The following NKTR variants were observed in gnomAD, a reference collection of about 807,000 sequenced individuals.
NKTR encodes NK-tumor recognition protein.
NKTR carries 67 observed loss-of-function variants against 156.3 expected under a neutral mutation model. The observed-to-expected ratio is 0.43, with a 90% CI of 0.35 to 0.53. The LOEUF (loss-of-function observed/expected upper bound fraction) is 0.53, where lower values mean the gene tolerates loss of function less well. Ranked by LOEUF, NKTR falls within the 20% of genes least tolerant of loss-of-function variation. NKTR has a pLI of 0.01. For synonymous variants in NKTR, 640 were observed against 596.6 expected, an observed-to-expected ratio of 1.07 and a Z score of -1.06; for missense variants, 1,604 against 1,730.9, an observed-to-expected ratio of 0.93 and a Z score of 1.30.
Position 42,639,649 on chromosome 3 carries a change from T to G in NKTR, c.3945T>G (p.Ser1315Arg). The G allele has an allele frequency of 1.9e-6, 3 of 1,614,084 alleles. No individual in the cohort carries two copies. The highest frequency in any genetic ancestry group is 2.5e-6 in the Non-Finnish European group (3 of 1,179,950). Residue 1315 changes from serine (S) to arginine (R), a missense_variant, in exon 13 of 17, where the codon AGT (serine) becomes AGG (arginine). Ser to Arg is a moderately radical substitution (Grantham distance 110). Around this residue, in one of 6 missense-constraint regions of NKTR, gnomAD observed 193 missense variants for 220.2 expected, o/e 0.88. Coordinates refer to ENST00000232978, the MANE Select transcript of NKTR (RefSeq NM_005385.4). ...RDDDSQSRSP[S>R]RSRSKSETKS... Reference sequence around the variant, plus strand: ...ATGATAGCCAGTCCAGGAGTCCAAGTAGATCTCGAAGTAAATCTGAAACCA... The same window carrying G: ...ATGATAGCCAGTCCAGGAGTCCAAGGAGATCTCGAAGTAAATCTGAAACCA...
In NKTR at chr3:42,638,051, A is replaced by G; in HGVS notation, c.2347A>G (p.Ser783Gly). 1 of 1,614,214 alleles carries G rather than the reference A, an allele frequency of 6.2e-7. No homozygotes were observed. Among genetic ancestry groups the G allele is most frequent in the Non-Finnish European group, 8.5e-7 (1 of 1,180,042 alleles). Reference protein sequence around the residue: ...HSSSSEKTLHSKYVKGRDRSS... With the variant: ...HSSSSEKTLHGKYVKGRDRSS... Reference sequence around the variant, plus strand: ...CAGCAGCTCTGAAAAGACACTTCACAGTAAATATGTCAAAGGTAGAGACAG... The same window carrying G: ...CAGCAGCTCTGAAAAGACACTTCACGGTAAATATGTCAAAGGTAGAGACAG... The change falls in exon 13 of 17, where the codon AGT becomes GGT. Residue 783 changes from serine (S) to glycine (G), a missense_variant. Ser to Gly is a moderately conservative substitution (Grantham distance 56). This residue lies in a region of NKTR where 1,255 missense variants were observed against 1,243.7 expected (regional missense o/e 1.01). Transcript: ENST00000232978.
At chr3:42,627,993 T>G (rs1468145725) in intron 6 of NKTR, 2 of 985,216 alleles carry the variant, frequency 2.0e-6, no homozygotes, top group South Asian at 9.4e-5. Context: ...CTCTCCGCCC[T>G]TTTGTAACCC....
Position 42,600,968 on chromosome 3 carries a change from T to G in NKTR, c.-23-16T>G. 6.7e-7 allele frequency: 1 copy of G among 1,495,416 alleles called. No individual in the cohort carries two copies. The highest frequency in any genetic ancestry group is 9.0e-7 in the Non-Finnish European group (1 of 1,114,536). The allele number at this position is 1,495,416 out of a possible 1,614,324, so 92.6% of individuals were successfully genotyped here. ...CTCGCCCCTGCCCTGACCGCTTTTC[T>G]CCCCCTCTCTCCCAGCTCTTGCCGC... On this transcript the variant is annotated splice_polypyrimidine_tract_variant and intron_variant, in intron 1 of 16. Transcript: ENST00000232978.
intron 5 of NKTR, 72 bp from the exon 6 acceptor site, chr3:42,621,357 A>AT: frequency 6.5e-7 from 1 of 1,532,510 alleles, no homozygotes; most frequent in African/African-American, 1.4e-5. Context: ...TTTGCTTTCT[A>AT]TTTATTACTT....
chr3:42,625,979 T>C (rs1295160616), intron 6 of NKTR, among the ~76,000 whole-genome samples: 1 of 152,136 alleles, frequency 6.6e-6, no homozygotes, highest in Non-Finnish European at 1.5e-5. Flanking sequence ...GGTAGAGCAT[T>C]GTCAAGTGGC....
chr3:42,615,466 T>G (rs1707267022), intron 2 of NKTR, among the ~76,000 whole-genome samples: 1 of 152,100 alleles, frequency 6.6e-6, no homozygotes, highest in Admixed American at 6.5e-5. Context: ...TTAACTGTTT[T>G]CAAGTGTGTG....
rs185034919 is a variant in NKTR, at chr3:42,626,052, C to T, written c.375-4494C>T. On this transcript the variant is annotated intron_variant, in intron 6 of 16. Coordinates refer to ENST00000232978, the MANE Select transcript of NKTR (RefSeq NM_005385.4). ...TTCTGTACAATTTGGTGCCTCTTCC[C>T]TGACAGTGTGATAGTTTCAGGAGTT... Among the ~76,000 whole-genome samples, 62 of 152,150 alleles carry T rather than the reference C, an allele frequency of 4.1e-4. No individual in the cohort carries two copies. The East Asian group carries it at 0.011, about 27-fold the overall frequency.
chr3:42,623,047 C>T (rs1708054063), intron 6 of NKTR, among the ~76,000 whole-genome samples: 1 of 151,980 alleles, frequency 6.6e-6, no homozygotes, highest in South Asian at 2.1e-4. Flanking sequence ...AAAATGCTAT[C>T]GTTAAACATA....
rs1208737763 is a variant in NKTR at position 42,646,373 on chromosome 3, C to T, written c.*398C>T. The T allele has an allele frequency of 5.6e-6, 1 of 179,888 alleles. No individual in the cohort carries two copies. Among genetic ancestry groups the T allele is most frequent in the Admixed American group, 5.6e-5 (1 of 17,974 alleles). The allele number at this position is 179,888 out of a possible 1,614,324, so 11.1% of individuals were successfully genotyped here. On this transcript the variant is annotated 3_prime_UTR_variant, in exon 17 of 17. Coordinates refer to ENST00000232978, the MANE Select transcript of NKTR (RefSeq NM_005385.4). ...CCAAGCATAGAACTGTGAAGGAGAA[C>T]TGTTAAAGGCGGCCAAATATTTATA... is the stretch of plus-strand genomic sequence containing the variant.
chr3:42,601,925 G>A (rs1276932458), intron 2 of NKTR: 1 of 152,094 alleles, frequency 6.6e-6, no homozygotes, highest in Non-Finnish European at 1.5e-5. Context: ...TTCTATTGGG[G>A]GGAAGACGGA....
In NKTR at chr3:42,638,119, A is replaced by T; in HGVS notation, c.2415A>T (p.Leu805Phe). The T allele has an allele frequency of 6.2e-7, 1 of 1,614,006 alleles. No homozygotes were observed. The highest frequency in any genetic ancestry group is 8.5e-7 in the Non-Finnish European group (1 of 1,180,008). ...AGTATAGCGAGAGCAGATCATCTTTAGATTATTCTTCAGACAGTGAGCAGT... is the reference window on the plus strand; with the variant it reads ...AGTATAGCGAGAGCAGATCATCTTTTGATTATTCTTCAGACAGTGAGCAGT... The part of the protein sequence containing the change: ...VRKYSESRSS[L>F]DYSSDSEQSS... Residue 805 changes from leucine to phenylalanine, a missense_variant, in exon 13 of 17, where the codon TTA becomes TTT. By Grantham distance (22) the Leu-to-Phe change is conservative (BLOSUM62 0). Coordinates refer to ENST00000232978, the MANE Select transcript of NKTR (RefSeq NM_005385.4).
chr3:42,631,408 T>A, intron 8 of NKTR, 92 bp downstream of exon 8: 2 of 1,432,108 alleles, frequency 1.4e-6, no homozygotes, highest in Non-Finnish European at 1.9e-6. Context: ...ACTAGTGGTA[T>A]AGCAATAGCC....
Position 42,639,439 on chromosome 3 carries a change from T to C in NKTR, c.3735T>C (p.Ala1245=). 6.2e-7 allele frequency: 1 copy of C among 1,614,232 alleles called. No homozygotes were observed. The highest frequency in any genetic ancestry group is 8.5e-7 in the Non-Finnish European group (1 of 1,180,024). ...CACCTAATGCTGCCACATCCAGTGC[T>C]GTGGAAGTTAAGGTGTTGACCACTG... ...LAAPNAATSS[A]VEVKVLTTVP... Residue 1245 remains alanine, a synonymous_variant, in exon 13 of 17, where the codon GCT becomes GCC. Coordinates refer to ENST00000232978, the MANE Select transcript of NKTR (RefSeq NM_005385.4).
chr3:42,626,356 A>T (rs1466220923), intron 6 of NKTR, among the ~76,000 whole-genome samples: 1 of 152,112 alleles, frequency 6.6e-6, no homozygotes, highest in Non-Finnish European at 1.5e-5. Context: ...TGATCTGAGT[A>T]GTAATAGATT....
Position 42,630,630 on chromosome 3 carries a change from G to A in NKTR, c.404+55G>A, listed in dbSNP as rs563390171. The A allele has an allele frequency of 5.6e-5, 90 of 1,611,792 alleles. No homozygotes were observed. The African/African-American group carries it at 1.1e-3, about 20-fold the overall frequency. ...AAGTGTTTGGGTGGCCAGCCATAAAGAGAGATTGGACCATGGTTGAGCCCT... is the reference window on the plus strand; with the variant it reads ...AAGTGTTTGGGTGGCCAGCCATAAAAAGAGATTGGACCATGGTTGAGCCCT... On this transcript the variant is annotated intron_variant, in intron 7 of 16. Coordinates refer to ENST00000232978, the MANE Select transcript of NKTR (RefSeq NM_005385.4).
At chr3:42,630,232 G>T in intron 6 of NKTR, 2 of 1,119,392 alleles carry the variant, frequency 1.8e-6, no homozygotes, top group Non-Finnish European at 2.2e-6. Flanking sequence ...GGAGTTGAGA[G>T]TAACTTTAAT....
chr3:42,626,415 A>G (rs1708395248), intron 6 of NKTR, among the ~76,000 whole-genome samples: 1 of 152,134 alleles, frequency 6.6e-6, no homozygotes, highest in African/African-American at 2.4e-5. Flanking sequence ...TTCTCCAAAA[A>G]AAAATCTTGA....
At chr3:42,610,170 A>G (rs538090690) in intron 2 of NKTR, among the ~76,000 whole-genome samples, 5 of 151,956 alleles carry the variant, frequency 3.3e-5, no homozygotes, top group African/African-American at 1.2e-4. Context: ...CACACCCGCT[A>G]ATTTTGTATT....
intron 6 of NKTR, chr3:42,629,721 A>G (rs1400656370): frequency 2.0e-6 from 2 of 984,582 alleles, no homozygotes; most frequent in Non-Finnish European, 2.4e-6. Flanking sequence ...TTCCACTGCA[A>G]TTCATATAAT....
Sources: allele counts gnomAD v4.1 joint callset (sites outside exome capture counted in the v4.1 genomes callset), GRCh38; gene constraint gnomAD v4.1.1; regional missense constraint gnomAD v4.1.1; transcripts MANE v1.5; gene names NCBI Gene and HGNC (gene_info 2026-07-23, HGNC 2026-07-21).